The following GMDS variants were observed in gnomAD, a reference collection of about 807,000 sequenced individuals.
GMDS encodes the protein GDP-mannose 4,6-dehydratase.
A neutral mutation model predicts 49.9 loss-of-function variants in GMDS; 20 were observed. That is an observed-to-expected ratio of 0.40 (90% confidence interval 0.28 to 0.58). The LOEUF (loss-of-function observed/expected upper bound fraction) is 0.58. Among genes scored for constraint, GMDS ranks in the 20% least tolerant of loss-of-function variants. The pLI is 0.42. For synonymous variants in GMDS, 177 were observed against 178.6 expected (o/e 0.99, Z 0.07); for missense variants, 362 against 481.4 (o/e 0.75, Z 2.32).
chr6:1,843,991 C>A (rs1757269729), intron 7 of GMDS, among the ~76,000 whole-genome samples: 1 of 152,200 alleles, frequency 6.6e-6, no homozygotes, highest in African/African-American at 2.4e-5. Flanking sequence ...CTCAGCATCT[C>A]TCTTCTCACC....
intron 9 of GMDS, among the ~76,000 whole-genome samples, chr6:1,670,137 C>T (rs1183843102): frequency 6.6e-6 from 1 of 152,010 alleles, no homozygotes; most frequent in East Asian, 1.9e-4. Context: ...CGCACGTGCA[C>T]CGCACTGCCC....
At chr6:1,803,352 T>C (rs1345998725) in intron 7 of GMDS, among the ~76,000 whole-genome samples, 1 of 152,176 alleles carries the variant, frequency 6.6e-6, no homozygotes, top group Non-Finnish European at 1.5e-5. Context: ...TAAACACCAG[T>C]CAATGTATTT....
chr6:2,193,976 C>A (rs1468912553), intron 1 of GMDS, among the ~76,000 whole-genome samples: 1 of 151,960 alleles, frequency 6.6e-6, no homozygotes, highest in Non-Finnish European at 1.5e-5. Context: ...ACCCGCTCGG[C>A]CTCCCAAAGT....
rs868085697 is a variant in GMDS at position 1,652,622 on chromosome 6, T to A, written c.988-28082A>T. ...TTATATATAATATATATAATATATA[T>A]TATTTATATATAATATATATAATAT... On this transcript the variant is annotated intron_variant, in intron 9 of 10. Transcript: ENST00000380815. 2.6e-3 allele frequency among the ~76,000 whole-genome samples: 13 copies of A among 4,952 alleles called. 1 individual carries two copies. The highest frequency in any genetic ancestry group is 5.1e-3 in the South Asian group (1 of 198). The allele number at this position is 4,952 out of a possible 152,430, so 3.2% of individuals were successfully genotyped here. A position where few individuals can be genotyped will look rare whatever the true frequency, so the allele number is the denominator to read the frequency against.
At chr6:2,014,191 C>T (rs947478866) in intron 4 of GMDS, among the ~76,000 whole-genome samples, 1 of 143,370 alleles carries the variant, frequency 7.0e-6, no homozygotes, top group Non-Finnish European at 1.5e-5. Context: ...AGGAGACCTG[C>T]CTGGCAAGAA....
intron 7 of GMDS, among the ~76,000 whole-genome samples, chr6:1,819,778 T>A (rs11756652): frequency 0.08 from 6,628 of 82,840 alleles, 349 homozygotes; most frequent in African/African-American, 0.22. Flanking sequence ...AAAAAAAAAA[T>A]ATATATATAT....
chr6:1,624,372 C>T (rs983606544), intron 10 of GMDS, 100 bp downstream of exon 10: 2 of 1,315,856 alleles, frequency 1.5e-6, no homozygotes, highest in African/African-American at 1.5e-5. Context: ...GCCTTCCGGG[C>T]TTTGGGCATC....
chr6:1,762,905 A>G (rs974543237), intron 7 of GMDS, among the ~76,000 whole-genome samples: 5 of 152,240 alleles, frequency 3.3e-5, no homozygotes, highest in African/African-American at 4.8e-5. Flanking sequence ...TTATAAATCA[A>G]TAATATCAAA....
chr6:2,144,347 G>C (rs1388447778), intron 1 of GMDS, among the ~76,000 whole-genome samples: 1 of 152,218 alleles, frequency 6.6e-6, no homozygotes, highest in Non-Finnish European at 1.5e-5. Context: ...CGCCATGCAG[G>C]CCACACTGGA....
At chr6:1,704,866 G>A (rs1051458778) in intron 9 of GMDS, among the ~76,000 whole-genome samples, 1 of 152,010 alleles carries the variant, frequency 6.6e-6, no homozygotes, top group East Asian at 1.9e-4. Flanking sequence ...AGGGGGGCGG[G>A]GGTGAGGGGT....
At chr6:1,945,900 G>A (rs951563089) in intron 6 of GMDS, among the ~76,000 whole-genome samples, 3 of 152,192 alleles carry the variant, frequency 2.0e-5, no homozygotes, top group East Asian at 1.9e-4. Context: ...TCATTCAGCA[G>A]TATCCCTGAC....
At chr6:2,136,274 A>G (rs549471479) in intron 1 of GMDS, among the ~76,000 whole-genome samples, 1 of 152,390 alleles carries the variant, frequency 6.6e-6, no homozygotes, top group African/African-American at 2.4e-5. Context: ...TAGATTTCAT[A>G]AAACTGATCA....
At chr6:1,668,034 C>T (rs373575112) in intron 9 of GMDS, among the ~76,000 whole-genome samples, 96 of 152,180 alleles carry the variant, frequency 6.3e-4, no homozygotes, top group African/African-American at 2.2e-3. Context: ...AGGGAGTGAT[C>T]GTACCTGGCT....
At chr6:2,102,796 T>G (rs2127487467) in intron 4 of GMDS, among the ~76,000 whole-genome samples, 1 of 152,290 alleles carries the variant, frequency 6.6e-6, no homozygotes, top group East Asian at 1.9e-4. Flanking sequence ...CACCCTGGTT[T>G]TAAGAAATAT....
At chr6:1,998,557 C>A (rs1201638907) in intron 4 of GMDS, among the ~76,000 whole-genome samples, 1 of 152,144 alleles carries the variant, frequency 6.6e-6, no homozygotes, top group African/African-American at 2.4e-5. Context: ...ATAGGTTCAG[C>A]AGCTGCAGAT....
chr6:1,747,551 T>C (rs373810019), intron 7 of GMDS, among the ~76,000 whole-genome samples: 1 of 151,816 alleles, frequency 6.6e-6, no homozygotes, highest in African/African-American at 2.4e-5. Flanking sequence ...ATGTATGAAA[T>C]AACTCTAATA....
chr6:1,869,909 G>A (rs780231772), intron 7 of GMDS, among the ~76,000 whole-genome samples: 18 of 152,200 alleles, frequency 1.2e-4, no homozygotes, highest in Non-Finnish European at 2.1e-4. Context: ...GGACAGGAGA[G>A]GGCAGCCAAA....
At chr6:2,062,227 A>G (rs1472211801) in intron 4 of GMDS, among the ~76,000 whole-genome samples, 12 of 152,262 alleles carry the variant, frequency 7.9e-5, no homozygotes, top group African/African-American at 2.6e-4. Flanking sequence ...GAGGCGCTGG[A>G]TGGGCACCTG....
At chr6:2,178,667 G>A (rs150727948) in intron 1 of GMDS, among the ~76,000 whole-genome samples, 2 of 152,206 alleles carry the variant, frequency 1.3e-5, no homozygotes, top group Admixed American at 6.5e-5. Context: ...CCACACCTAA[G>A]CATCACACAA....
Sources: gnomAD v4.1 joint callset for allele counts (sites outside exome capture counted in the v4.1 genomes callset) on GRCh38, gnomAD v4.1.1 for gene constraint, MANE v1.5 for transcripts, NCBI Gene and HGNC (gene_info 2026-07-23, HGNC 2026-07-21) for gene names.